The following ECI2 variants were observed in gnomAD, a reference collection of about 807,000 sequenced individuals.
ECI2 encodes D3,D2-enoyl-CoA isomerase.
In ECI2, 27 loss-of-function variants were observed where a neutral mutation model predicts 38.4. The ratio of observed to expected loss-of-function variants is 0.70; its 90% CI spans 0.52 to 0.97. The LOEUF (loss-of-function observed/expected upper bound fraction) is 0.97. Ranked by LOEUF, ECI2 falls within the 50% of genes least tolerant of loss-of-function variation. The pLI is 0.00. For synonymous variants in ECI2, 168 were observed against 172.0 expected, an observed-to-expected ratio of 0.98 and a Z score of 0.18; for missense variants, 470 against 474.4, an observed-to-expected ratio of 0.99 and a Z score of 0.09.
At chr6:4,133,470 T>C in intron 2 of ECI2, 79 bp downstream of exon 2, 2 of 1,509,030 alleles carry the variant, frequency 1.3e-6, no homozygotes, top group Non-Finnish European at 1.8e-6. Context: ...AGGCCACATT[T>C]TAGTAAACAC....
At chr6:4,134,389 G>A (rs1375325825) in intron 1 of ECI2, among the ~76,000 whole-genome samples, 1 of 152,174 alleles carries the variant, frequency 6.6e-6, no homozygotes, top group Non-Finnish European at 1.5e-5. Flanking sequence ...CAGCCAGCCA[G>A]GAACAGAGCA....
chr6:4,121,011 T>G (rs1267128838), intron 7 of ECI2, among the ~76,000 whole-genome samples: 1 of 152,238 alleles, frequency 6.6e-6, no homozygotes. Flanking sequence ...AAATGTATAT[T>G]TAGCTCAGAA....
rs776934923 is a variant in ECI2, at chr6:4,130,440, T to C, written c.433A>G (p.Thr145Ala). 1 of 1,613,994 alleles carries C rather than the reference T, an allele frequency of 6.2e-7. No individual in the cohort carries two copies. Among genetic ancestry groups the C allele is most frequent in the Admixed American group, 1.7e-5 (1 of 59,992 alleles). The change falls in exon 4 of 10, where the codon ACC becomes GCC. Residue 145 changes from threonine to alanine, a missense_variant. By Grantham distance (58) the Thr-to-Ala change is moderately conservative. Coordinates refer to ENST00000380118, the MANE Select transcript of ECI2 (RefSeq NM_206836.3). ...KSTGFETLVV[T>A]SEDGITKIMF... is the part of the protein sequence containing the mutation. The stretch of plus-strand genomic sequence containing the variant: ...ATCTTTGTGATGCCATCTTCGGAGG[T>C]CACCACCAGAGTTTCAAACCCAGTT...
chr6:4,125,149 C>A, intron 7 of ECI2, 101 bp downstream of exon 7: 4 of 1,530,502 alleles, frequency 2.6e-6, no homozygotes, highest in Non-Finnish European at 3.5e-6. Context: ...CTACCACAAA[C>A]AACATGTAAC....
At chr6:4,119,319 A>ATTTT in intron 7 of ECI2, 44 bp from the exon 8 acceptor site, 3 of 1,172,036 alleles carry the variant, frequency 2.6e-6, no homozygotes, top group Admixed American at 2.5e-5. Context: ...TTCATGTGTG[A>ATTTT]TTTTTTTTTT....
At chr6:4,131,124 T>TA (rs11394589) in intron 2 of ECI2, among the ~76,000 whole-genome samples, 31,339 of 152,142 alleles carry the variant, frequency 0.21, 6,132 homozygotes, top group African/African-American at 0.52. Flanking sequence ...AAGTATTTTC[T>TA]AAAAAAATCT....
intron 7 of ECI2, among the ~76,000 whole-genome samples, chr6:4,122,337 C>CA (rs1390151380): frequency 6.6e-6 from 1 of 151,888 alleles, no homozygotes; most frequent in African/African-American, 2.4e-5. Context: ...TCTCCTGCCT[C>CA]AGCCTCCCGA....
rs533160099 is a variant in ECI2 at position 4,124,632 on chromosome 6, G to C, written c.795+618C>G. Reference sequence around the variant, plus strand: ...ATCTCTAGGTGGCAAGATAAGGAGTGATTTTTACCTTGTAGCTTTTCTTGG... The same window carrying C: ...ATCTCTAGGTGGCAAGATAAGGAGTCATTTTTACCTTGTAGCTTTTCTTGG... On this transcript the variant is annotated intron_variant, in intron 7 of 9. Transcript: ENST00000380118. 2.0e-5 allele frequency among the ~76,000 whole-genome samples: 3 copies of C among 152,102 alleles called. No individual in the cohort carries two copies. The South Asian group carries it at 6.2e-4, about 32-fold the overall frequency.
In ECI2 at chr6:4,130,441, C is replaced by A. The variant is rs748334286; in HGVS notation, c.432G>T (p.Val144=). 1 of 1,614,080 alleles carries A rather than the reference C, an allele frequency of 6.2e-7. No individual in the cohort carries two copies. The highest frequency in any genetic ancestry group is 1.3e-5 in the African/African-American group (1 of 74,932). ...RKSTGFETLV[V]TSEDGITKIM... is the part of the protein sequence containing the mutation. ...TCTTTGTGATGCCATCTTCGGAGGT[C>A]ACCACCAGAGTTTCAAACCCAGTTG... Residue 144 remains valine, a synonymous_variant, in exon 4 of 10, where the codon GTG becomes GTT. Coordinates refer to ENST00000380118, the MANE Select transcript of ECI2 (RefSeq NM_206836.3).
At chr6:4,120,333 C>G (rs613260) in intron 7 of ECI2, among the ~76,000 whole-genome samples, 48,020 of 151,800 alleles carry the variant, frequency 0.32, 7,661 homozygotes, top group Admixed American at 0.36. Flanking sequence ...ATGTGGTAAT[C>G]CCTACTGCTT....
At chr6:4,123,611 T>C in intron 7 of ECI2, among the ~76,000 whole-genome samples, 1 of 151,196 alleles carries the variant, frequency 6.6e-6, no homozygotes, top group East Asian at 1.9e-4. Flanking sequence ...TGTATATATG[T>C]TTTCTGATTT....
intron 2 of ECI2, among the ~76,000 whole-genome samples, chr6:4,132,715 C>T (rs1320860666): frequency 1.3e-5 from 2 of 152,158 alleles, no homozygotes; most frequent in Admixed American, 6.5e-5. Flanking sequence ...TACCCATCAT[C>T]CAGGTTCAAC....
At chr6:4,120,657 G>A (rs983899394) in intron 7 of ECI2, among the ~76,000 whole-genome samples, 3 of 151,834 alleles carry the variant, frequency 2.0e-5, no homozygotes, top group Non-Finnish European at 4.4e-5. Flanking sequence ...AACCCGGGAG[G>A]AGGAGGCTGC....
chr6:4,125,279 G>C lies in ECI2; in HGVS notation c.766C>G (p.Leu256Val). ...AVGISVTLLGLFDAVYASDRA... is the reference protein window; with the variant it reads ...AVGISVTLLGVFDAVYASDRA... ...TCAGATGCATACACGGCATCGAATA[G>C]CCCAAGGAGGGTGACGGAGATGCCC... The change falls in exon 7 of 10, where the codon CTA becomes GTA. Residue 256 changes from leucine (L) to valine (V), a missense_variant. By Grantham distance (32) the Leu-to-Val change is conservative. Transcript: ENST00000380118. The C allele has an allele frequency of 6.2e-7, 1 of 1,614,108 alleles. No homozygotes were observed. The highest frequency in any genetic ancestry group is 1.6e-4 in the Middle Eastern group (1 of 6,062).
At chr6:4,116,151 G>A (rs952872364) in intron 9 of ECI2, 122 bp from the exon 10 acceptor site, 6 of 1,043,436 alleles carry the variant, frequency 5.8e-6, no homozygotes, top group South Asian at 1.7e-5. Flanking sequence ...AGGAGTTCAA[G>A]ACCAGCCTGG....
Position 4,125,314 on chromosome 6 carries a change from C to T in ECI2, c.731G>A (p.Gly244Asp). ...GGTGACGGAGATGCCCACAGCTGGA[C>T]CATTGACCACTGCAATCAGAGGCTT... ...FPKPLIAVVN[G>D]PAVGISVTLL... The change falls in exon 7 of 10, where the codon GGT (glycine) becomes GAT (aspartate). Residue 244 changes from glycine (G) to aspartate (D), a missense_variant. By Grantham distance (94) the Gly-to-Asp change is moderately conservative. Coordinates refer to ENST00000380118, the MANE Select transcript of ECI2 (RefSeq NM_206836.3). 1 of 1,614,174 alleles carries T rather than the reference C, an allele frequency of 6.2e-7. No individual in the cohort carries two copies. Among genetic ancestry groups the T allele is most frequent in the Non-Finnish European group, 8.5e-7 (1 of 1,180,044 alleles).
At chr6:4,130,618 A>G (rs1561658791) in intron 3 of ECI2, 58 bp from the exon 4 acceptor site, 2 of 1,612,706 alleles carry the variant, frequency 1.2e-6, no homozygotes, top group Non-Finnish European at 1.7e-6. Flanking sequence ...CACTTTGAGA[A>G]AGTTACTATA....
In ECI2 at chr6:4,135,524, G is replaced by A. The variant is rs11549819; in HGVS notation, c.37C>T (p.Arg13Cys). The A allele has an allele frequency of 9.4e-5, 151 of 1,607,932 alleles. No homozygotes were observed. In the African/African-American group the frequency reaches 1.8e-3, roughly 19 times the overall value. ...CTCCAAGCTTACCTCGGACACGAAC[G>A]CCGCGCCAGTCTCCAAGCCAAGTAC... ...MAYLAWRLAR[R>C]SCPSSLQVTS... The change falls in exon 1 of 10, where the codon CGT becomes TGT. Residue 13 changes from arginine to cysteine, a missense_variant. Arg to Cys is a radical substitution (Grantham distance 180). Coordinates refer to ENST00000380118, the MANE Select transcript of ECI2 (RefSeq NM_206836.3).
chr6:4,118,679 G>C (rs1772447574), intron 8 of ECI2: 1 of 153,546 alleles, frequency 6.5e-6, no homozygotes, highest in Non-Finnish European at 1.5e-5. Context: ...GCTGATGGAA[G>C]GGCTGCTGTG....
Sources: allele counts gnomAD v4.1 joint callset (sites outside exome capture counted in the v4.1 genomes callset), GRCh38; gene constraint gnomAD v4.1.1; transcripts MANE v1.5; gene names NCBI Gene and HGNC (gene_info 2026-07-23, HGNC 2026-07-21).